OR11G2: variants seen among roughly 807,000 people sequenced by gnomAD.
OR11G2 encodes olfactory receptor family 11 subfamily G member 2.
OR11G2 carries 2 observed loss-of-function variants against 0.9 expected under a neutral mutation model. The observed-to-expected ratio is 2.35, with a 90% CI of 0.96 to 7.38. The LOEUF (loss-of-function observed/expected upper bound fraction) is 7.38, where lower values mean the gene tolerates loss of function less well. OR11G2 is among the 30% of genes most tolerant of loss of function. The probability of loss-of-function intolerance (pLI) is 0.05; values close to 1 mark genes in which losing one functional copy is unlikely to be tolerated. For synonymous variants in OR11G2, 153 were observed against 142.0 expected (o/e 1.08, Z -0.55); for missense variants, 395 against 371.3 (o/e 1.06, Z -0.52).
rs199844627 is a variant in OR11G2 at position 20,198,428 on chromosome 14, T to A, written c.*55T>A. The A allele has an allele frequency of 8.7e-4, 1,021 of 1,177,244 alleles. 5 individuals are homozygous for A. The highest frequency in any genetic ancestry group is 8.6e-3 in the Middle Eastern group (32 of 3,706). The allele number at this position is 1,177,244 out of a possible 1,614,324, so 72.9% of individuals were successfully genotyped here. ...TAATCTTGTCTTTAATTTTGGGGTT[T>A]AAAAAAAAAACTGGTCTTGGCCAGG... On this transcript the variant is annotated 3_prime_UTR_variant, in exon 2 of 2. Transcript: ENST00000641879.
In OR11G2 at chr14:20,197,596, G is replaced by A. The variant is rs1317558856; in HGVS notation, c.159G>A (p.Val53=). The change falls in exon 2 of 2, where the codon GTG becomes GTA. Residue 53 remains valine (V), a synonymous_variant. Coordinates refer to ENST00000641879, the MANE Select transcript of OR11G2 (RefSeq NM_001386033.1). ...GCAATGGTTCCATCATCTGTGCTGT[G>A]CACTGGGATCAGAGACTCCACGCCC... is the stretch of plus-strand genomic sequence containing the variant. ...LMGNGSIICA[V]HWDQRLHAPM... is the part of the protein sequence containing the mutation. 6.2e-7 allele frequency: 1 copy of A among 1,614,116 alleles called. No homozygotes were observed. The highest frequency in any genetic ancestry group is 1.1e-5 in the South Asian group (1 of 91,082).
chr14:20,196,034 T>G (rs1446781442), intron 1 of OR11G2, among the ~76,000 whole-genome samples: 1 of 152,136 alleles, frequency 6.6e-6, no homozygotes, highest in Non-Finnish European at 1.5e-5. Flanking sequence ...AAATAAATAT[T>G]ATGGACAAAC....
chr14:20,195,781 G>A (rs903694283), intron 1 of OR11G2, among the ~76,000 whole-genome samples: 3 of 152,082 alleles, frequency 2.0e-5, no homozygotes, highest in Admixed American at 2.0e-4. Flanking sequence ...TCCTATCTAG[G>A]TTCTTCGGCT....
At position 20,191,340 on chromosome 14, in the gene OR11G2, T is replaced by C. The variant is rs974943704; in HGVS notation, c.-331T>C. ...CCACACTGCCTTTTTGAGCTAGCCT[T>C]GGGGAAAAAGTAAAACATCAGAGAA... On this transcript the variant is annotated 5_prime_UTR_variant, in exon 1 of 2. Transcript: ENST00000641879. 2 of 152,212 alleles carry C rather than the reference T, an allele frequency of 1.3e-5. No individual in the cohort carries two copies. Among genetic ancestry groups the C allele is most frequent in the Non-Finnish European group, 2.9e-5 (2 of 68,046 alleles). The allele number at this position is 152,212 out of a possible 1,614,324, so 9.4% of individuals were successfully genotyped here.
rs1202334037 is a variant in OR11G2, at chr14:20,197,538, T to A, written c.101T>A (p.Leu34His). The A allele has an allele frequency of 6.2e-7, 1 of 1,614,014 alleles. No individual in the cohort carries two copies. The highest frequency in any genetic ancestry group is 1.7e-5 in the Admixed American group (1 of 60,008). ...GAGGGGCAGATCCTCCTCTTTGTGC[T>A]CTTCACTGTTGTTTACCTCCTGACC... Reference protein sequence around the residue: ...PREGQILLFVLFTVVYLLTLM... With the variant: ...PREGQILLFVHFTVVYLLTLM... Residue 34 changes from leucine to histidine, a missense_variant, in exon 2 of 2, where the codon CTC (leucine) becomes CAC (histidine). Transcript: ENST00000641879.
intron 1 of OR11G2, among the ~76,000 whole-genome samples, chr14:20,192,194 C>A (rs558599070): frequency 6.6e-6 from 1 of 152,078 alleles, no homozygotes; most frequent in Non-Finnish European, 1.5e-5. Flanking sequence ...GCCCAGCCCC[C>A]AAATGGCATT....
At position 20,197,603 on chromosome 14, in the gene OR11G2, GA is replaced by G. The variant is rs1383285839; in HGVS notation, c.167del (p.Asp56ValfsTer85). The G allele has an allele frequency of 1.4e-5, 23 of 1,614,104 alleles. No homozygotes were observed. Among genetic ancestry groups the G allele is most frequent in the South Asian group, 4.4e-5 (4 of 91,084 alleles). ...NGSIICAVHWDQRLHAPMYIL... is the reference protein window; with the variant it reads ...NGSIICAVHWXQRLHAPMYIL... ...TTCCATCATCTGTGCTGTGCACTGG[GA>G]TCAGAGACTCCACGCCCCCATGTAC... On this transcript the variant is annotated frameshift_variant, in exon 2 of 2. Coordinates refer to ENST00000641879, the MANE Select transcript of OR11G2 (RefSeq NM_001386033.1). LOFTEE classifies it high-confidence loss of function.
chr14:20,195,255 T>C (rs1317757535), intron 1 of OR11G2, among the ~76,000 whole-genome samples: 1 of 152,314 alleles, frequency 6.6e-6, no homozygotes, highest in East Asian at 1.9e-4. Flanking sequence ...TAAAAAATTA[T>C]GTGGCTGGGC....
chr14:20,199,232 T>TG lies in OR11G2; in HGVS notation c.*863dup, dbSNP rs1879851431. 6.6e-6 allele frequency: 1 copy of TG among 152,234 alleles called. No homozygotes were observed. Among genetic ancestry groups the TG allele is most frequent in the African/African-American group, 2.4e-5 (1 of 41,466 alleles). 9.4% of individuals were successfully genotyped at this position (152,234 alleles called of 1,614,324 possible). A position where few individuals can be genotyped will look rare whatever the true frequency, so the allele number is the denominator to read the frequency against. ...CAGCTTTTGTTTCTGCTAGCTATTT[T>TG]GGGGTCTCACCGTGTACACACAGCT... On this transcript the variant is annotated 3_prime_UTR_variant, in exon 2 of 2. Transcript: ENST00000641879.
In OR11G2 at chr14:20,198,540, A is replaced by C; in HGVS notation, c.*167A>C. On this transcript the variant is annotated 3_prime_UTR_variant, in exon 2 of 2. Coordinates refer to ENST00000641879, the MANE Select transcript of OR11G2 (RefSeq NM_001386033.1). ...TCAGGAGATCAAGACCACCCTGGCT[A>C]ACACGGTGAAACCCTGTCTCTACTA... 2.0e-6 allele frequency: 1 copy of C among 498,412 alleles called. No homozygotes were observed. Among genetic ancestry groups the C allele is most frequent in the East Asian group, 3.5e-5 (1 of 28,760 alleles). 30.9% of individuals were successfully genotyped at this position (498,412 alleles called of 1,614,324 possible).
rs1879879266 is a variant in OR11G2 at position 20,200,407 on chromosome 14, A to T, written c.*2034A>T. 1 of 152,222 alleles carries T rather than the reference A, an allele frequency of 6.6e-6. No individual in the cohort carries two copies. The highest frequency in any genetic ancestry group is 1.5e-5 in the Non-Finnish European group (1 of 68,032). The allele number at this position is 152,222 out of a possible 1,614,324, so 9.4% of individuals were successfully genotyped here. A position where few individuals can be genotyped will look rare whatever the true frequency, so the allele number is the denominator to read the frequency against. Reference sequence around the variant, plus strand: ...CCAGAAAAAGATTCTTAAACATGGAAAGGGCACTAACTAATTCATAAAAAG... The same window carrying T: ...CCAGAAAAAGATTCTTAAACATGGATAGGGCACTAACTAATTCATAAAAAG... On this transcript the variant is annotated 3_prime_UTR_variant, in exon 2 of 2. Transcript: ENST00000641879.
At chr14:20,196,422 G>A (rs951568034) in intron 1 of OR11G2, among the ~76,000 whole-genome samples, 2 of 152,148 alleles carry the variant, frequency 1.3e-5, no homozygotes, top group Admixed American at 6.5e-5. Flanking sequence ...TCACTTATGC[G>A]CTTATTTAGA....
chr14:20,194,202 G>C (rs1566352631), intron 1 of OR11G2, among the ~76,000 whole-genome samples: 1 of 152,176 alleles, frequency 6.6e-6, no homozygotes, highest in Non-Finnish European at 1.5e-5. Flanking sequence ...GCAAGGAAAG[G>C]AACTGGTCTG....
rs1207234349 is a variant in OR11G2, at chr14:20,198,439, C to G, written c.*66C>G. On this transcript the variant is annotated 3_prime_UTR_variant, in exon 2 of 2. Transcript: ENST00000641879. ...TTAATTTTGGGGTTTAAAAAAAAAA[C>G]TGGTCTTGGCCAGGCGCGGTGGCTT... The G allele has an allele frequency of 8.1e-7, 1 of 1,231,240 alleles. No homozygotes were observed. The highest frequency in any genetic ancestry group is 1.5e-5 in the African/African-American group (1 of 65,514). The allele number at this position is 1,231,240 out of a possible 1,614,324, so 76.3% of individuals were successfully genotyped here. A position where few individuals can be genotyped will look rare whatever the true frequency, so the allele number is the denominator to read the frequency against.
At position 20,197,869 on chromosome 14, in the gene OR11G2, C is replaced by A; in HGVS notation, c.432C>A (p.Leu144=). 1 of 1,614,162 alleles carries A rather than the reference C, an allele frequency of 6.2e-7. No homozygotes were observed. Among genetic ancestry groups the A allele is most frequent in the Non-Finnish European group, 8.5e-7 (1 of 1,180,020 alleles). ...ATCCAACCATTATGACCAGACGTCT[C>A]TGTACCAATCTTGTGGTCAATTGCT... ...LRYPTIMTRR[L]CTNLVVNCWV... The change falls in exon 2 of 2, where the codon CTC becomes CTA. Residue 144 remains leucine (L), a synonymous_variant. Coordinates refer to ENST00000641879, the MANE Select transcript of OR11G2 (RefSeq NM_001386033.1).
At chr14:20,197,227 G>A (rs558175127) in intron 1 of OR11G2, 136 of 680,408 alleles carry the variant, frequency 2.0e-4, no homozygotes, top group Non-Finnish European at 1.5e-4. Flanking sequence ...ATGTGAACGC[G>A]AGCAAAGAAT....
At chr14:20,196,597 TCTAATATCGC>T (rs1175992435) in intron 1 of OR11G2, among the ~76,000 whole-genome samples, 69 of 152,380 alleles carry the variant, frequency 4.5e-4, no homozygotes, top group African/African-American at 1.6e-3. Flanking sequence ...ACAGCTTTAG[TCTAATATCGC>T]CTACAAACCC....
intron 1 of OR11G2, among the ~76,000 whole-genome samples, chr14:20,196,901 T>G (rs1477676148): frequency 3.3e-5 from 5 of 152,170 alleles, no homozygotes; most frequent in Non-Finnish European, 4.4e-5. Context: ...AGTTAACCAT[T>G]TAATTTAGAA....
At chr14:20,193,587 T>C (rs1427799842) in intron 1 of OR11G2, among the ~76,000 whole-genome samples, 1 of 152,238 alleles carries the variant, frequency 6.6e-6, no homozygotes, top group Non-Finnish European at 1.5e-5. Flanking sequence ...CAATAGATTT[T>C]ACATTTTTAA....
Sources: gnomAD v4.1 joint callset for allele counts (sites outside exome capture counted in the v4.1 genomes callset) on GRCh38, gnomAD v4.1.1 for gene constraint, MANE v1.5 for transcripts, NCBI Gene and HGNC (gene_info 2026-07-23, HGNC 2026-07-21) for gene names.